Variants in INSC observed in about 807,000 individuals in gnomAD.
INSC encodes the protein protein inscuteable homolog.
Under a neutral mutation model 58.6 loss-of-function variants are expected in INSC, and 67 were observed. The observed-to-expected ratio is 1.14, with a 90% CI of 0.94 to 1.40. The LOEUF (loss-of-function observed/expected upper bound fraction) is 1.40. Ranked by LOEUF, INSC falls within the 40% of genes most tolerant of loss-of-function variation. The probability of loss-of-function intolerance (pLI) is 0.00; values close to 1 mark genes in which losing one functional copy is unlikely to be tolerated. For missense variants in INSC, 714 were observed against 692.0 expected, an observed-to-expected ratio of 1.03 and a Z score of -0.36; for synonymous variants, 262 against 276.1, an observed-to-expected ratio of 0.95 and a Z score of 0.51.
At chr11:15,180,520 A>G (rs1849732673) in intron 5 of INSC, among the ~76,000 whole-genome samples, 1 of 152,010 alleles carries the variant, frequency 6.6e-6, no homozygotes. Flanking sequence ...GATCATATTC[A>G]GGGTGAAATT....
At chr11:15,150,396 G>A (rs1048003063) in intron 2 of INSC, among the ~76,000 whole-genome samples, 1 of 152,192 alleles carries the variant, frequency 6.6e-6, no homozygotes, top group African/African-American at 2.4e-5. Flanking sequence ...CATGGTTATT[G>A]TCTCCAGATA....
intron 6 of INSC, among the ~76,000 whole-genome samples, chr11:15,198,477 G>A (rs1265027156): frequency 6.6e-6 from 1 of 152,126 alleles, no homozygotes; most frequent in African/African-American, 2.4e-5. Flanking sequence ...TGAGCCAAAG[G>A]AGGCTGCCAC....
chr11:15,149,442 A>T (rs867604995), intron 2 of INSC, among the ~76,000 whole-genome samples: 7 of 152,248 alleles, frequency 4.6e-5, no homozygotes, highest in Non-Finnish European at 7.3e-5. Context: ...GGCATATCCC[A>T]GTCCCTAATG....
intron 2 of INSC, among the ~76,000 whole-genome samples, chr11:15,154,142 G>T (rs1459937511): frequency 6.6e-6 from 1 of 152,188 alleles, no homozygotes; most frequent in Non-Finnish European, 1.5e-5. Context: ...GGGCCTAAGG[G>T]CTAAATTCAT....
chr11:15,268,127 GT>G, the INSC span, among the ~76,000 whole-genome samples: 26 of 152,042 alleles, frequency 1.7e-4, no homozygotes, highest in Non-Finnish European at 3.5e-4. Flanking sequence ...CACTTAATTT[GT>G]TTTCTCTTTC....
intron 1 of INSC, among the ~76,000 whole-genome samples, chr11:15,117,405 G>A (rs1847757610): frequency 6.6e-6 from 1 of 152,100 alleles, no homozygotes; most frequent in African/African-American, 2.4e-5. Context: ...CTGACCCTTG[G>A]GAATGGTTAA....
Position 15,243,852 on chromosome 11 carries a change from C to G in INSC, c.1471-2060C>G, listed in dbSNP as rs144387297. ...CCTCTCTCCTATTATCTCCCCTCCCCCTAAGGGCTCTCTCTTTTATTTTCT... is the reference window on the plus strand; with the variant it reads ...CCTCTCTCCTATTATCTCCCCTCCCGCTAAGGGCTCTCTCTTTTATTTTCT... On this transcript the variant is annotated intron_variant, in intron 12 of 12. Transcript: ENST00000379556. Among the ~76,000 whole-genome samples the G allele has an allele frequency of 2.2e-4, 34 of 151,964 alleles. 2 individuals are homozygous for G. The East Asian group carries it at 6.4e-3, about 29-fold the overall frequency.
At chr11:15,125,248 G>C (rs1203185679) in intron 1 of INSC, among the ~76,000 whole-genome samples, 1 of 152,188 alleles carries the variant, frequency 6.6e-6, no homozygotes, top group Non-Finnish European at 1.5e-5. Flanking sequence ...GCTTGAGAAA[G>C]AGCCTGCCGG....
chr11:15,127,649 C>T (rs185643690), intron 1 of INSC, among the ~76,000 whole-genome samples: 18 of 152,260 alleles, frequency 1.2e-4, no homozygotes, highest in African/African-American at 3.1e-4. Flanking sequence ...TCCCTCATTG[C>T]GTTCCATGTT....
chr11:15,263,216 G>T, the INSC span, among the ~76,000 whole-genome samples: 9 of 152,086 alleles, frequency 5.9e-5, no homozygotes, highest in Non-Finnish European at 1.2e-4. Flanking sequence ...AAGAAAAATT[G>T]AACACAGCGT....
rs887926668 is a variant in INSC, at chr11:15,190,778, C to G, written c.657C>G (p.Thr219=). Residue 219 remains threonine (T), a synonymous_variant, in exon 6 of 13, where the codon ACC becomes ACG. Transcript: ENST00000379556. ...ESTTGNLFSL[T]QEGAPLCRII... ...CCACAGGGAACCTGTTCAGCCTGACCCAGGAGGGGGCTCCCTTGTGCCGCA... is the reference window on the plus strand; with the variant it reads ...CCACAGGGAACCTGTTCAGCCTGACGCAGGAGGGGGCTCCCTTGTGCCGCA... The G allele has an allele frequency of 1.9e-6, 3 of 1,613,696 alleles. No individual in the cohort carries two copies. Among genetic ancestry groups the G allele is most frequent in the African/African-American group, 2.7e-5 (2 of 74,918 alleles).
rs183249743 is a variant in INSC at position 15,235,796 on chromosome 11, C to G, written c.1237+128C>G. The G allele has an allele frequency of 8.4e-5, 70 of 834,618 alleles. No individual in the cohort carries two copies. In the African/African-American group the frequency reaches 1.0e-3, roughly 12 times the overall value. The allele number at this position is 834,618 out of a possible 1,614,324, so 51.7% of individuals were successfully genotyped here. ...ATGTGGCCGGGCGCAGGAATCATGC[C>G]TGTAATCCCAGCACTTTGGGAAGCA... On this transcript the variant is annotated intron_variant, in intron 10 of 12. Coordinates refer to ENST00000379556, the MANE Select transcript of INSC (RefSeq NM_001042536.3).
chr11:15,221,077 G>A (rs1172321887), intron 7 of INSC, among the ~76,000 whole-genome samples: 2 of 152,188 alleles, frequency 1.3e-5, no homozygotes, highest in Non-Finnish European at 2.9e-5. Flanking sequence ...TCTCAGAGAG[G>A]GTAAGTGACT....
chr11:15,263,557 T>C, the INSC span, among the ~76,000 whole-genome samples: 1 of 152,174 alleles, frequency 6.6e-6, no homozygotes, highest in East Asian at 1.9e-4. Flanking sequence ...ATGAAAGCTG[T>C]AAGTGAAATA....
chr11:15,213,497 C>T (rs1427739959), intron 7 of INSC, among the ~76,000 whole-genome samples: 2 of 152,220 alleles, frequency 1.3e-5, no homozygotes, highest in Admixed American at 6.5e-5. Context: ...CTTATCAGCA[C>T]ATGCCTAGTA....
chr11:15,237,034 T>C, intron 10 of INSC, among the ~76,000 whole-genome samples: 1 of 152,162 alleles, frequency 6.6e-6, no homozygotes, highest in Non-Finnish European at 1.5e-5. Flanking sequence ...GCCTGTGAAT[T>C]TGAGATTGGA....
chr11:15,250,580 G>C (rs1852640133), downstream of INSC, among the ~76,000 whole-genome samples: 1 of 152,116 alleles, frequency 6.6e-6, no homozygotes, highest in African/African-American at 2.4e-5. Context: ...TTATTTGACA[G>C]TCCTTAGGAT....
At chr11:15,132,252 G>A (rs186213070) in intron 1 of INSC, among the ~76,000 whole-genome samples, 7 of 151,862 alleles carry the variant, frequency 4.6e-5, no homozygotes, top group African/African-American at 1.7e-4. Flanking sequence ...TAGATTCATC[G>A]TTTCTTATCT....
chr11:15,267,910 C>G, the INSC span, among the ~76,000 whole-genome samples: 1 of 151,950 alleles, frequency 6.6e-6, no homozygotes, highest in Non-Finnish European at 1.5e-5. Context: ...TATTTGAAAA[C>G]AGTTTGATAA....
Sources: allele counts gnomAD v4.1 joint callset (sites outside exome capture counted in the v4.1 genomes callset), GRCh38; gene constraint gnomAD v4.1.1; transcripts MANE v1.5; gene names NCBI Gene and HGNC (gene_info 2026-07-23, HGNC 2026-07-21).